The following ORC1 variants were observed in gnomAD, a reference collection of about 807,000 sequenced individuals.
ORC1 encodes the protein origin recognition complex, subunit 1 homolog.
Under a neutral mutation model 98.9 loss-of-function variants are expected in ORC1, and 61 were observed. The ratio of observed to expected loss-of-function variants is 0.62; its 90% CI spans 0.50 to 0.76. The LOEUF (loss-of-function observed/expected upper bound fraction) is 0.76, where lower values mean the gene tolerates loss of function less well. Among genes scored for constraint, ORC1 ranks in the 30% least tolerant of loss-of-function variants. ORC1 has a pLI of 0.00. For missense variants in ORC1, 979 were observed against 1,072.2 expected, an observed-to-expected ratio of 0.91 and a Z score of 1.21; for synonymous variants, 385 against 406.9, an observed-to-expected ratio of 0.95 and a Z score of 0.65.
At chr1:52,391,490 ACCC>A (rs1647210480) in intron 6 of ORC1, among the ~76,000 whole-genome samples, 2 of 152,198 alleles carry the variant, frequency 1.3e-5, no homozygotes, top group African/African-American at 2.4e-5. Context: ...TCAGCAGACA[ACCC>A]ACAGAGTGGG....
chr1:52,407,117 A>G (rs1381100235), upstream of ORC1, among the ~76,000 whole-genome samples: 3 of 152,142 alleles, frequency 2.0e-5, no homozygotes, highest in Admixed American at 6.5e-5. Flanking sequence ...TCCTGGGTTC[A>G]TGCCATTCTC....
At position 52,373,036 on chromosome 1, in the gene ORC1, G is replaced by T; in HGVS notation, c.*145C>A. 1 of 860,430 alleles carries T rather than the reference G, an allele frequency of 1.2e-6. No individual in the cohort carries two copies. The highest frequency in any genetic ancestry group is 1.6e-5 in the African/African-American group (1 of 60,762). 53.3% of individuals were successfully genotyped at this position (860,430 alleles called of 1,614,324 possible). On this transcript the variant is annotated 3_prime_UTR_variant, in exon 17 of 17. Transcript: ENST00000371568. The stretch of plus-strand genomic sequence containing the variant: ...AGTTTCAGCCACCTGGGAGGATGAG[G>T]TTGGGGGGTCACCTAAGCCTGAGAA...
intron 6 of ORC1, 75 bp from the exon 7 acceptor site, chr1:52,389,396 C>G: frequency 2.0e-6 from 2 of 989,814 alleles, no homozygotes; most frequent in South Asian, 1.3e-5. Flanking sequence ...AGAAGATAGT[C>G]AAGTGGCCTG....
chr1:52,393,820 C>A lies in ORC1; in HGVS notation c.722-17G>T. On this transcript the variant is annotated splice_polypyrimidine_tract_variant and intron_variant, in intron 5 of 16. Coordinates refer to ENST00000371568, the MANE Select transcript of ORC1 (RefSeq NM_004153.4). ...TACCTAAGTCTAAGAGAAATCATCA[C>A]AATGTGTAAATTTTTTACCTAACAA... 1 of 1,609,818 alleles carries A rather than the reference C, an allele frequency of 6.2e-7. No homozygotes were observed. Among genetic ancestry groups the A allele is most frequent in the South Asian group, 1.1e-5 (1 of 90,996 alleles).
At chr1:52,373,570 C>T (rs1397239337) in intron 16 of ORC1, among the ~76,000 whole-genome samples, 195 bp from the exon 17 acceptor site, 2 of 152,142 alleles carry the variant, frequency 1.3e-5, no homozygotes, top group East Asian at 3.8e-4. Flanking sequence ...AATCAGAAAA[C>T]AGCAGGCCCG....
At chr1:52,394,680 G>C (rs571886829) in intron 5 of ORC1, among the ~76,000 whole-genome samples, 3 of 152,122 alleles carry the variant, frequency 2.0e-5, no homozygotes, top group African/African-American at 4.8e-5. Flanking sequence ...ACAGAGTCTT[G>C]CTCTGTTGCT....
chr1:52,402,777 T>C (rs1448104035), intron 1 of ORC1, among the ~76,000 whole-genome samples: 38 of 151,948 alleles, frequency 2.5e-4, no homozygotes, highest in Non-Finnish European at 5.9e-5. Context: ...CTACTAAAAA[T>C]ACAAAAATCA....
At chr1:52,388,751 C>A in intron 7 of ORC1, 114 bp from the exon 8 acceptor site, 1 of 899,044 alleles carries the variant, frequency 1.1e-6, no homozygotes, top group Non-Finnish European at 1.8e-6. Flanking sequence ...GACCAGGTGA[C>A]ATGGGTGCTT....
chr1:52,405,983 AT>A, upstream of ORC1: 1 of 686,576 alleles, frequency 1.5e-6, no homozygotes, highest in Non-Finnish European at 2.5e-6. Context: ...TTGAGTTTGT[AT>A]TTTTTGTTTG....
At position 52,396,188 on chromosome 1, in the gene ORC1, C is replaced by T; in HGVS notation, c.579G>A (p.Lys193=). 1 of 1,614,198 alleles carries T rather than the reference C, an allele frequency of 6.2e-7. No homozygotes were observed. The highest frequency in any genetic ancestry group is 8.5e-7 in the Non-Finnish European group (1 of 1,180,044). ...AAKCQKPVRA[K]SKSAESPSWT... is the part of the protein sequence containing the mutation. Reference sequence around the variant, plus strand: ...AAGAAGGGCTCTCTGCACTCTTACTCTTGGCTCTCACGGGTTTCTGGCACT... The same window carrying T: ...AAGAAGGGCTCTCTGCACTCTTACTTTTGGCTCTCACGGGTTTCTGGCACT... Residue 193 remains lysine, a synonymous_variant, in exon 5 of 17, where the codon AAG becomes AAA. Coordinates refer to ENST00000371568, the MANE Select transcript of ORC1 (RefSeq NM_004153.4).
intron 14 of ORC1, among the ~76,000 whole-genome samples, chr1:52,376,409 G>C (rs977110740): frequency 2.0e-5 from 3 of 152,058 alleles, no homozygotes; most frequent in African/African-American, 7.2e-5. Flanking sequence ...CAGCTACTGG[G>C]GAGGCTGAGG....
intron 6 of ORC1, among the ~76,000 whole-genome samples, chr1:52,392,749 C>T (rs1352450019): frequency 6.6e-6 from 1 of 152,140 alleles, no homozygotes. Flanking sequence ...GAAATAATGG[C>T]ACTTCCAGCA....
chr1:52,396,969 G>A (rs1569950636), intron 4 of ORC1, among the ~76,000 whole-genome samples: 1 of 152,162 alleles, frequency 6.6e-6, no homozygotes, highest in East Asian at 1.9e-4. Context: ...TCCCACCACT[G>A]TGCTCCTGCC....
intron 4 of ORC1, 30 bp from the exon 5 acceptor site, chr1:52,396,394 A>G: frequency 1.2e-6 from 2 of 1,613,878 alleles, no homozygotes; most frequent in Non-Finnish European, 1.7e-6. Context: ...ATAAGTAGGA[A>G]GAGATGAGCC....
chr1:52,377,269 G>A (rs1032811074), intron 14 of ORC1, among the ~76,000 whole-genome samples: 8 of 151,026 alleles, frequency 5.3e-5, no homozygotes, highest in African/African-American at 1.5e-4. Flanking sequence ...GCGCCCAGCC[G>A]ACTTTTTGTT....
intron 13 of ORC1, 139 bp from the exon 14 acceptor site, chr1:52,381,900 G>A: frequency 1.2e-6 from 1 of 806,446 alleles, no homozygotes. Flanking sequence ...GACTACCACT[G>A]CCTTTACTGA....
chr1:52,384,479 A>T, intron 11 of ORC1, 71 bp downstream of exon 11: 1 of 1,389,550 alleles, frequency 7.2e-7, no homozygotes, highest in East Asian at 2.3e-5. Flanking sequence ...CGCAAAATTA[A>T]GTAACTCTTT....
rs2147926566 is a variant in ORC1, at chr1:52,385,869, C to T, written c.1464G>A (p.Leu488=). Residue 488 remains leucine, a synonymous_variant, in exon 9 of 17, where the codon CTG becomes CTA. Transcript: ENST00000371568. ...SLAAQEPASV[L]EEARLRLHVS... ...AGCAGTACCTCAGTCGGGCTTCCTC[C>T]AGCACACTGGCTGGCTCCTGGGCAG... 6.2e-7 allele frequency: 1 copy of T among 1,613,610 alleles called. No homozygotes were observed. Among genetic ancestry groups the T allele is most frequent in the Non-Finnish European group, 8.5e-7 (1 of 1,179,708 alleles).
rs771442415 is a variant in ORC1 at position 52,393,474 on chromosome 1, C to T, written c.1051G>A (p.Val351Met). ...TTGATGTTTTCTGGTTTCAGAATCACGGATGGCACCACTGAAGATCTCTGT... is the reference window on the plus strand; with the variant it reads ...TTGATGTTTTCTGGTTTCAGAATCATGGATGGCACCACTGAAGATCTCTGT... Reference protein sequence around the residue: ...GGQRSSVVPSVILKPENIKKR... With the variant: ...GGQRSSVVPSMILKPENIKKR... Residue 351 changes from valine (V) to methionine (M), a missense_variant, in exon 6 of 17, where the codon GTG becomes ATG. Coordinates refer to ENST00000371568, the MANE Select transcript of ORC1 (RefSeq NM_004153.4). 78 of 1,614,032 alleles carry T rather than the reference C, an allele frequency of 4.8e-5. No homozygotes were observed. Among genetic ancestry groups the T allele is most frequent in the South Asian group, 8.8e-5 (8 of 91,090 alleles).
Sources: gnomAD v4.1 joint callset for allele counts (sites outside exome capture counted in the v4.1 genomes callset) on GRCh38, gnomAD v4.1.1 for gene constraint, MANE v1.5 for transcripts, NCBI Gene and HGNC (gene_info 2026-07-23, HGNC 2026-07-21) for gene names.